Variants in NFKB1 observed in about 807,000 individuals in gnomAD.
The protein encoded by NFKB1 is nuclear factor kappa B subunit 1.
Under a neutral mutation model 105.1 loss-of-function variants are expected in NFKB1, and 9 were observed. The observed-to-expected ratio is 0.09, with a 90% confidence interval of 0.05 to 0.15. NFKB1 has a LOEUF of 0.15. NFKB1 is among the 10% of genes least tolerant of loss of function. The probability of loss-of-function intolerance (pLI) is 1.00; values close to 1 mark genes in which losing one functional copy is unlikely to be tolerated. For missense variants in NFKB1, 830 were observed against 1,203.7 expected (o/e 0.69, Z 4.59); for synonymous variants, 440 against 442.2 (o/e 1.00, Z 0.06).
At chr4:102,525,105 A>T (rs1740822291) in intron 1 of NFKB1, among the ~76,000 whole-genome samples, 1 of 152,156 alleles carries the variant, frequency 6.6e-6, no homozygotes, top group African/African-American at 2.4e-5. Context: ...GACCATCACA[A>T]GGTTTATGAA....
rs149353386 is a variant in NFKB1 at position 102,513,518 on chromosome 4, C to A, written c.-8+11730C>A. ...GACAACCATAGGCAAAAATTTCTTT[C>A]TTATGGAACACGTTGGAATGCATTC... On this transcript the variant is annotated intron_variant, in intron 1 of 23. Transcript: ENST00000226574. Among the ~76,000 whole-genome samples, 96 of 152,234 alleles carry A rather than the reference C, an allele frequency of 6.3e-4. 2 individuals are homozygous for A. In the East Asian group the frequency reaches 0.015, roughly 25 times the overall value.
chr4:102,583,754 C>T (rs539456022), intron 10 of NFKB1, among the ~76,000 whole-genome samples: 1 of 151,232 alleles, frequency 6.6e-6, no homozygotes, highest in East Asian at 1.9e-4. Context: ...AATTATTATT[C>T]TCCTATTTAC....
At chr4:102,563,759 G>T (rs1174976189) in intron 5 of NFKB1, among the ~76,000 whole-genome samples, 2 of 151,708 alleles carry the variant, frequency 1.3e-5, no homozygotes, top group African/African-American at 4.8e-5. Context: ...AGTGTCCCTG[G>T]GTAGCTGAGT....
chr4:102,526,448 A>G (rs1285578555), intron 2 of NFKB1, among the ~76,000 whole-genome samples: 1 of 152,142 alleles, frequency 6.6e-6, no homozygotes, highest in African/African-American at 2.4e-5. Context: ...TGTTTTGACT[A>G]CTATACAATC....
At chr4:102,573,976 G>A (rs1254425466) in intron 6 of NFKB1, among the ~76,000 whole-genome samples, 1 of 151,362 alleles carries the variant, frequency 6.6e-6, no homozygotes, top group African/African-American at 2.4e-5. Context: ...GCTATTCAAT[G>A]TACTTGTGTA....
intron 20 of NFKB1, 80 bp downstream of exon 20, chr4:102,610,779 G>T (rs566398481): frequency 6.6e-6 from 10 of 1,508,178 alleles, no homozygotes; most frequent in South Asian, 3.7e-5. Flanking sequence ...TGGTCTTCCT[G>T]GTGCTTTATT....
chr4:102,519,892 G>C (rs76630729), intron 1 of NFKB1, among the ~76,000 whole-genome samples: 1 of 152,300 alleles, frequency 6.6e-6, no homozygotes, highest in Non-Finnish European at 1.5e-5. Flanking sequence ...TCTAGCTACA[G>C]TTCTTTACCC....
chr4:102,566,915 C>T (rs949803192), intron 5 of NFKB1, 72 bp from the exon 6 acceptor site: 13 of 1,509,628 alleles, frequency 8.6e-6, no homozygotes, highest in Non-Finnish European at 1.2e-5. Flanking sequence ...TACTTACTGG[C>T]TTATCATAAA....
intron 5 of NFKB1, among the ~76,000 whole-genome samples, chr4:102,551,371 C>CGCGCGT (rs1217619454): frequency 3.8e-5 from 5 of 131,962 alleles, no homozygotes; most frequent in East Asian, 2.1e-4. Flanking sequence ...TGTGTGTGCG[C>CGCGCGT]GCGCGCATGT....
At chr4:102,540,192 T>G (rs1041752232) in intron 5 of NFKB1, among the ~76,000 whole-genome samples, 1 of 152,242 alleles carries the variant, frequency 6.6e-6, no homozygotes, top group Non-Finnish European at 1.5e-5. Flanking sequence ...GTATTTTGTT[T>G]ACTTCTATTG....
At chr4:102,606,078 C>A (rs1727694091) in intron 16 of NFKB1, among the ~76,000 whole-genome samples, 1 of 152,104 alleles carries the variant, frequency 6.6e-6, no homozygotes, top group Admixed American at 6.5e-5. Context: ...TAGTGAGAAA[C>A]AAGAAGCTAT....
At chr4:102,562,797 G>A (rs548962358) in intron 5 of NFKB1, among the ~76,000 whole-genome samples, 1 of 152,198 alleles carries the variant, frequency 6.6e-6, no homozygotes, top group Non-Finnish European at 1.5e-5. Context: ...GCTTAGTGCA[G>A]TAGAGGACAA....
intron 21 of NFKB1, 43 bp downstream of exon 21, chr4:102,612,153 C>T (rs757598840): frequency 3.2e-5 from 49 of 1,528,922 alleles, no homozygotes; most frequent in Non-Finnish European, 4.3e-5. Flanking sequence ...ATTATTATCT[C>T]CACACTGTCA....
chr4:102,533,060 A>G (rs1741402056), intron 3 of NFKB1, among the ~76,000 whole-genome samples: 1 of 152,186 alleles, frequency 6.6e-6, no homozygotes, highest in East Asian at 1.9e-4. Context: ...GCATGTACCT[A>G]TCTTCAATTA....
rs574700081 is a variant in NFKB1 at position 102,575,118 on chromosome 4, G to A, written c.408-1758G>A. 1.1e-4 allele frequency among the ~76,000 whole-genome samples: 17 copies of A among 152,296 alleles called. No homozygotes were observed. In the South Asian group the frequency reaches 3.5e-3, roughly 32 times the overall value. ...GTCATGTTGCATATTTTTCTGTGCT[G>A]TATTAATTCATGCATTCCTTTATCA... On this transcript the variant is annotated intron_variant, in intron 6 of 23. Coordinates refer to ENST00000226574, the MANE Select transcript of NFKB1 (RefSeq NM_003998.4).
chr4:102,580,546 G>A lies in NFKB1; in HGVS notation c.742G>A (p.Ala248Thr). The change falls in exon 9 of 24, where the codon GCA becomes ACA. Residue 248 changes from alanine (A) to threonine (T), a missense_variant. Physicochemically the swap from Ala to Thr is moderately conservative, Grantham distance 58. Around this residue, in one of 8 missense-constraint regions of NFKB1, gnomAD observed 80 missense variants for 122.6 expected, o/e 0.65. Transcript: ENST00000226574. ...DAIYDSKAPN[A>T]SNLKIVRMDR... is the part of the protein sequence containing the mutation. ...TCCCCTGTGAACAGAAGCCCCCAAT[G>A]CATCCAACTTGAAAATTGTAAGAAT... is the stretch of plus-strand genomic sequence containing the variant. The A allele has an allele frequency of 1.2e-6, 2 of 1,613,796 alleles. No individual in the cohort carries two copies. The highest frequency in any genetic ancestry group is 8.5e-7 in the Non-Finnish European group (1 of 1,179,774).
chr4:102,525,666 ATT>A (rs41477752), intron 2 of NFKB1, 109 bp downstream of exon 2: 1 of 980,676 alleles, frequency 1.0e-6, no homozygotes, highest in Non-Finnish European at 1.5e-6. Flanking sequence ...AAATTAGTAA[ATT>A]TTTTTTTAAT....
chr4:102,514,867 C>T (rs1740023587), intron 1 of NFKB1, among the ~76,000 whole-genome samples: 1 of 151,978 alleles, frequency 6.6e-6, no homozygotes, highest in East Asian at 1.9e-4. Context: ...AATGTTTATT[C>T]TCTTGAAGTC....
chr4:102,597,335 T>C (rs903022949), intron 14 of NFKB1, among the ~76,000 whole-genome samples, 185 bp from the exon 15 acceptor site: 2 of 152,246 alleles, frequency 1.3e-5, no homozygotes, highest in African/African-American at 4.8e-5. Context: ...TATTTGTCAG[T>C]GACCCAGTGT....
Sources: allele counts gnomAD v4.1 joint callset (sites outside exome capture counted in the v4.1 genomes callset), GRCh38; gene constraint gnomAD v4.1.1; regional missense constraint gnomAD v4.1.1; transcripts MANE v1.5; gene names NCBI Gene and HGNC (gene_info 2026-07-23, HGNC 2026-07-21).